ASB4: variants seen among roughly 807,000 people sequenced by gnomAD.
ASB4 encodes ankyrin repeat and SOCS box containing 4, also known as ankyrin repeat and SOCS box protein 4.
Under a neutral mutation model 38.6 loss-of-function variants are expected in ASB4, and 35 were observed. The observed-to-expected ratio is 0.91, with a 90% CI of 0.69 to 1.20. The LOEUF (loss-of-function observed/expected upper bound fraction) is 1.20, where lower values mean the gene tolerates loss of function less well. ASB4 is among the 50% of genes most tolerant of loss of function. The probability of loss-of-function intolerance (pLI) is 0.00; values close to 1 mark genes in which losing one functional copy is unlikely to be tolerated. For synonymous variants in ASB4, 195 were observed against 201.3 expected, an observed-to-expected ratio of 0.97 and a Z score of 0.26; for missense variants, 557 against 527.2, an observed-to-expected ratio of 1.06 and a Z score of -0.55.
chr7:95,482,571 AC>A (rs1790029520), upstream of ASB4, among the ~76,000 whole-genome samples: 1 of 152,214 alleles, frequency 6.6e-6, no homozygotes, highest in African/African-American at 2.4e-5. Context: ...TTTCTAAATC[AC>A]CTTATCTCCT....
chr7:95,518,315 A>G (rs1790612958), intron 2 of ASB4, among the ~76,000 whole-genome samples: 1 of 152,252 alleles, frequency 6.6e-6, no homozygotes, highest in Non-Finnish European at 1.5e-5. Context: ...TGAAAAGTCC[A>G]TGAGGAATTT....
rs138337588 is a variant in ASB4, at chr7:95,528,099, G to A, written c.774G>A (p.Lys258=). The change falls in exon 3 of 5, where the codon AAG becomes AAA. Residue 258 remains lysine (K), a synonymous_variant. Transcript: ENST00000325885. The stretch of plus-strand genomic sequence containing the variant: ...ACGACTTTAAATCTCCCCTCCACAA[G>A]GCAGCCTGGAACTGTGACCACGTGC... ...RDDDFKSPLH[K]AAWNCDHVLM... 8.1e-6 allele frequency: 13 copies of A among 1,614,066 alleles called. No homozygotes were observed. Among genetic ancestry groups the A allele is most frequent in the Admixed American group, 5.0e-5 (3 of 60,010 alleles).
Position 95,537,918 on chromosome 7 carries a change from G to A in ASB4, c.*159G>A. The A allele has an allele frequency of 1.6e-6, 1 of 607,560 alleles. No homozygotes were observed. Among genetic ancestry groups the A allele is most frequent in the Non-Finnish European group, 2.8e-6 (1 of 353,832 alleles). The allele number at this position is 607,560 out of a possible 1,614,324, so 37.6% of individuals were successfully genotyped here. A position where few individuals can be genotyped will look rare whatever the true frequency, so the allele number is the denominator to read the frequency against. ...CATTAATCCTAGAATATCATGGTAT[G>A]GGGAAATAAAGAAGAAGTAAAGTTA... is the stretch of plus-strand genomic sequence containing the variant. On this transcript the variant is annotated 3_prime_UTR_variant, in exon 5 of 5. Coordinates refer to ENST00000325885, the MANE Select transcript of ASB4 (RefSeq NM_016116.3).
In ASB4 at chr7:95,515,353, T is replaced by C. The variant is rs1247578965; in HGVS notation, c.488-12460T>C. Among the ~76,000 whole-genome samples the C allele has an allele frequency of 1.8e-3, 247 of 133,972 alleles. 5 individuals are homozygous for C. Among genetic ancestry groups the C allele is most frequent in the Non-Finnish European group, 1.1e-3 (67 of 61,224 alleles). 87.9% of individuals were successfully genotyped at this position (133,972 alleles called of 152,430 possible). A position where few individuals can be genotyped will look rare whatever the true frequency, so the allele number is the denominator to read the frequency against. On this transcript the variant is annotated intron_variant, in intron 2 of 4. Transcript: ENST00000325885. The stretch of plus-strand genomic sequence containing the variant: ...CCTTCCTTTCTTTCTTTCTTTCTTT[T>C]TCTTTCTTTCTTTTCTTTCTTTCTT...
chr7:95,547,036 C>T, the ASB4 span, among the ~76,000 whole-genome samples: 3 of 152,174 alleles, frequency 2.0e-5, no homozygotes, highest in South Asian at 4.1e-4. Context: ...GGTTAAGTAC[C>T]TCACTTATAC....
chr7:95,546,633 C>T, the ASB4 span, among the ~76,000 whole-genome samples: 1 of 152,292 alleles, frequency 6.6e-6, no homozygotes, highest in Non-Finnish European at 1.5e-5. Context: ...CTTCTCAGTA[C>T]AGTGTAAGGA....
At chr7:95,523,281 T>C (rs901211797) in intron 2 of ASB4, among the ~76,000 whole-genome samples, 5 of 152,214 alleles carry the variant, frequency 3.3e-5, no homozygotes, top group African/African-American at 1.2e-4. Context: ...TCAACATCAC[T>C]GTGTTTAGGA....
chr7:95,473,563 T>C (rs1789945129), upstream of ASB4: 2 of 152,096 alleles, frequency 1.3e-5, no homozygotes, highest in East Asian at 3.9e-4. Context: ...GCACGATTGG[T>C]CTCCCTTGCT....
At chr7:95,499,865 C>CTTTTTT (rs61250820) in intron 2 of ASB4, among the ~76,000 whole-genome samples, 1 of 77,216 alleles carries the variant, frequency 1.3e-5, no homozygotes, top group African/African-American at 5.7e-5. Context: ...GATACATCCT[C>CTTTTTT]TTTTTTTTTT....
Position 95,539,313 on chromosome 7 carries a change from T to C in ASB4, c.*1554T>C, listed in dbSNP as rs1001461257. The C allele has an allele frequency of 6.6e-6, 1 of 152,202 alleles. No individual in the cohort carries two copies. The highest frequency in any genetic ancestry group is 1.5e-5 in the Non-Finnish European group (1 of 68,024). The allele number at this position is 152,202 out of a possible 1,614,324, so 9.4% of individuals were successfully genotyped here. ...CAATCACCTAACTGGTTAATCTCAG[T>C]TGAGACTGTGCTTCTGAACTGGGAT... On this transcript the variant is annotated 3_prime_UTR_variant, in exon 5 of 5. Coordinates refer to ENST00000325885, the MANE Select transcript of ASB4 (RefSeq NM_016116.3).
the ASB4 span, among the ~76,000 whole-genome samples, chr7:95,472,741 G>A: frequency 6.6e-6 from 1 of 152,084 alleles, no homozygotes; most frequent in Non-Finnish European, 1.5e-5. Context: ...ATGATAAAAC[G>A]CGGTTAACCT....
the ASB4 span, among the ~76,000 whole-genome samples, chr7:95,471,399 G>A: frequency 1.3e-5 from 2 of 152,178 alleles, no homozygotes; most frequent in East Asian, 3.9e-4. Context: ...ATGATCAAGA[G>A]TGGTTGCTTC....
chr7:95,539,046 T>G lies in ASB4; in HGVS notation c.*1287T>G, dbSNP rs989790812. ...TGATTAAGCTCTGGGCCTTGTGGTT[T>G]ATGAGGTCAATTTTGCTTCACTTTT... is the stretch of plus-strand genomic sequence containing the variant. On this transcript the variant is annotated 3_prime_UTR_variant, in exon 5 of 5. Transcript: ENST00000325885. 3 of 150,656 alleles carry G rather than the reference T, an allele frequency of 2.0e-5. No individual in the cohort carries two copies. The highest frequency in any genetic ancestry group is 7.4e-5 in the African/African-American group (3 of 40,674). The allele number at this position is 150,656 out of a possible 1,614,324, so 9.3% of individuals were successfully genotyped here. A position where few individuals can be genotyped will look rare whatever the true frequency, so the allele number is the denominator to read the frequency against.
intron 1 of ASB4, among the ~76,000 whole-genome samples, chr7:95,486,729 C>G (rs185489033): frequency 1.4e-3 from 220 of 152,214 alleles, no homozygotes; most frequent in Non-Finnish European, 1.9e-3. Context: ...TCAGCAAAAC[C>G]AAAAAGTTAA....
At chr7:95,482,161 A>G (rs569271613), upstream of ASB4, among the ~76,000 whole-genome samples, 4 of 152,362 alleles carry the variant, frequency 2.6e-5, no homozygotes, top group South Asian at 8.3e-4. Context: ...AAAATAATCA[A>G]TTGATTTTTA....
chr7:95,483,123 A>G (rs1475558212), upstream of ASB4, among the ~76,000 whole-genome samples: 2 of 152,190 alleles, frequency 1.3e-5, no homozygotes, highest in Non-Finnish European at 2.9e-5. Flanking sequence ...TCTAGTAGCC[A>G]GATAGGACCA....
In ASB4 at chr7:95,525,614, C is replaced by T. The variant is rs540901131; in HGVS notation, c.488-2199C>T. Among the ~76,000 whole-genome samples, 3 of 152,250 alleles carry T rather than the reference C, an allele frequency of 2.0e-5. No individual in the cohort carries two copies. In the East Asian group the frequency reaches 5.8e-4, roughly 29 times the overall value. On this transcript the variant is annotated intron_variant, in intron 2 of 4. Coordinates refer to ENST00000325885, the MANE Select transcript of ASB4 (RefSeq NM_016116.3). ...AGGATGTGGTTTGTTCCAAGTTGGC[C>T]TGTAAGAATTTCATCCTGACCCTTT... is the stretch of plus-strand genomic sequence containing the variant.
the ASB4 span, among the ~76,000 whole-genome samples, chr7:95,549,457 C>T: frequency 0.032 from 4,899 of 151,872 alleles, 158 homozygotes; most frequent in African/African-American, 0.078. Context: ...CCATCACGCC[C>T]GGCTAATTTT....
chr7:95,525,805 T>C (rs903945027), intron 2 of ASB4, among the ~76,000 whole-genome samples: 8 of 152,178 alleles, frequency 5.3e-5, no homozygotes, highest in African/African-American at 1.9e-4. Context: ...TAAACACAGA[T>C]GGCTTCATGA....
Sources: allele counts gnomAD v4.1 joint callset (sites outside exome capture counted in the v4.1 genomes callset), GRCh38; gene constraint gnomAD v4.1.1; transcripts MANE v1.5; gene names NCBI Gene and HGNC (gene_info 2026-07-23, HGNC 2026-07-21).